Variants in NPAS3 observed in about 807,000 individuals in gnomAD.
NPAS3 encodes the protein neuronal PAS domain protein 3.
Under a neutral mutation model 73.1 loss-of-function variants are expected in NPAS3, and 14 were observed. That is an observed-to-expected ratio of 0.19 (90% CI 0.13 to 0.30). The LOEUF is 0.30. Among genes scored for constraint, NPAS3 ranks in the 10% least tolerant of loss-of-function variants. The probability of loss-of-function intolerance (pLI) is 1.00; values close to 1 mark genes in which losing one functional copy is unlikely to be tolerated. For missense variants in NPAS3, 1,096 were observed against 1,250.0 expected (o/e 0.88, Z 1.86); for synonymous variants, 620 against 541.5 (o/e 1.14, Z -2.01).
intron 5 of NPAS3, among the ~76,000 whole-genome samples, chr14:33,627,641 GCA>G (rs1478527559): frequency 2.0e-5 from 3 of 152,280 alleles, no homozygotes; most frequent in South Asian, 2.1e-4. Flanking sequence ...ACATAACTTT[GCA>G]CAGTTTCCTA....
intron 4 of NPAS3, among the ~76,000 whole-genome samples, chr14:33,411,803 A>G (rs1207527765): frequency 6.6e-6 from 1 of 152,082 alleles, no homozygotes; most frequent in Non-Finnish European, 1.5e-5. Flanking sequence ...TCAATCTGCT[A>G]ATTCTAACCA....
intron 1 of NPAS3, among the ~76,000 whole-genome samples, chr14:32,961,835 T>G (rs1217919996): frequency 6.6e-6 from 1 of 152,206 alleles, no homozygotes; most frequent in East Asian, 1.9e-4. Flanking sequence ...ATTTAGATTC[T>G]TTTTAGGAAG....
chr14:33,365,023 G>A (rs1165457354), intron 3 of NPAS3, among the ~76,000 whole-genome samples: 1 of 150,754 alleles, frequency 6.6e-6, no homozygotes, highest in Admixed American at 6.6e-5. Context: ...GGGAGGGGAC[G>A]TGCAGTGATT....
chr14:32,944,940 A>G (rs1326845520), intron 1 of NPAS3, among the ~76,000 whole-genome samples: 4 of 152,172 alleles, frequency 2.6e-5, no homozygotes, highest in Non-Finnish European at 4.4e-5. Context: ...CCTAGACTGT[A>G]ATGATTGACT....
intron 4 of NPAS3, among the ~76,000 whole-genome samples, chr14:33,415,565 C>T (rs1240959127): frequency 1.3e-5 from 2 of 152,092 alleles, no homozygotes; most frequent in South Asian, 2.1e-4. Flanking sequence ...ATCACATGCA[C>T]CCACAAATGT....
chr14:33,201,088 T>A (rs952435203), intron 2 of NPAS3, among the ~76,000 whole-genome samples: 1 of 152,182 alleles, frequency 6.6e-6, no homozygotes, highest in African/African-American at 2.4e-5. Context: ...AATGAATGAT[T>A]CTGAGAAGAA....
At chr14:33,581,475 A>G (rs2056660028) in intron 5 of NPAS3, among the ~76,000 whole-genome samples, 1 of 152,236 alleles carries the variant, frequency 6.6e-6, no homozygotes, top group Admixed American at 6.5e-5. Context: ...AATCTGCTGC[A>G]TAGTTTCTGA....
At chr14:33,122,170 T>C (rs2043253773) in intron 2 of NPAS3, among the ~76,000 whole-genome samples, 1 of 152,188 alleles carries the variant, frequency 6.6e-6, no homozygotes, top group Admixed American at 6.5e-5. Context: ...AGGGATGCCT[T>C]TCTGATTCTG....
At chr14:33,167,279 T>C (rs1403891995) in intron 2 of NPAS3, among the ~76,000 whole-genome samples, 1 of 152,162 alleles carries the variant, frequency 6.6e-6, no homozygotes, top group Non-Finnish European at 1.5e-5. Flanking sequence ...TCAAAGTGTA[T>C]GCAAAAATTT....
At chr14:33,546,109 AT>A (rs757660571) in intron 4 of NPAS3, among the ~76,000 whole-genome samples, 2 of 152,146 alleles carry the variant, frequency 1.3e-5, no homozygotes, top group Non-Finnish European at 2.9e-5. Context: ...GTCTACCTCT[AT>A]AGCATAGAAA....
chr14:33,299,413 A>G (rs2042434196), intron 3 of NPAS3, among the ~76,000 whole-genome samples: 1 of 152,156 alleles, frequency 6.6e-6, no homozygotes, highest in South Asian at 2.1e-4. Context: ...CCTATTCTAC[A>G]GGACCTGAAC....
upstream of NPAS3, among the ~76,000 whole-genome samples, chr14:32,938,486 T>TGAGAGAGAGAGAGAAATTGAGAGA (rs1566779333): frequency 1.2e-3 from 67 of 55,892 alleles, no homozygotes; most frequent in Admixed American, 2.1e-3. Context: ...AGAGAGAAAT[T>TGAGAGAGAGAGAGAAATTGAGAGA]GAGAGAGAGA....
intron 3 of NPAS3, among the ~76,000 whole-genome samples, chr14:33,283,267 C>G (rs959246535): frequency 2.0e-5 from 3 of 152,282 alleles, no homozygotes; most frequent in African/African-American, 7.2e-5. Context: ...TTCTGCTGTT[C>G]ATTTCATTGT....
intron 3 of NPAS3, among the ~76,000 whole-genome samples, chr14:33,217,033 G>A (rs765811442): frequency 1.4e-4 from 21 of 152,136 alleles, no homozygotes; most frequent in South Asian, 4.1e-4. Flanking sequence ...ACACAGTTCC[G>A]CATGGCTGGG....
chr14:33,355,258 T>G (rs768287955), intron 3 of NPAS3, among the ~76,000 whole-genome samples: 11 of 152,306 alleles, frequency 7.2e-5, no homozygotes, highest in South Asian at 2.1e-4. Flanking sequence ...TCTTTGAATT[T>G]CACTAGAGTT....
chr14:33,215,165 C>A lies in NPAS3; in HGVS notation c.141-17C>A. 6.2e-7 allele frequency: 1 copy of A among 1,612,442 alleles called. No homozygotes were observed. Among genetic ancestry groups the A allele is most frequent in the South Asian group, 1.1e-5 (1 of 90,984 alleles). ...TCACATATTCTAAACCACACATTCT[C>A]ACTCCTTTGATTTCAGTTTACAAGC... On this transcript the variant is annotated splice_polypyrimidine_tract_variant and intron_variant, in intron 2 of 11. Coordinates refer to ENST00000356141, the Ensembl canonical transcript of NPAS3.
chr14:33,240,840 T>A (rs1419940509), intron 3 of NPAS3, among the ~76,000 whole-genome samples: 1 of 151,946 alleles, frequency 6.6e-6, no homozygotes, highest in Admixed American at 6.6e-5. Flanking sequence ...ATTTTAAAAG[T>A]TTTTTCTGTA....
At chr14:33,041,695 G>A (rs989904579) in intron 1 of NPAS3, among the ~76,000 whole-genome samples, 1 of 152,176 alleles carries the variant, frequency 6.6e-6, no homozygotes, top group Non-Finnish European at 1.5e-5. Flanking sequence ...GGCTTTAATT[G>A]GGTGCTGCAG....
At chr14:33,040,992 G>A (rs943582696) in intron 1 of NPAS3, among the ~76,000 whole-genome samples, 2 of 152,156 alleles carry the variant, frequency 1.3e-5, no homozygotes, top group African/African-American at 2.4e-5. Context: ...AAGTGAGTTT[G>A]TCAAGGCTGC....
Sources: gnomAD v4.1 joint callset for allele counts (sites outside exome capture counted in the v4.1 genomes callset) on GRCh38, gnomAD v4.1.1 for gene constraint, MANE v1.5 for transcripts, NCBI Gene and HGNC (gene_info 2026-07-23, HGNC 2026-07-21) for gene names.